Variants in MYOZ2 observed in about 807,000 individuals in gnomAD.
The protein encoded by MYOZ2 is myozenin-2.
Under a neutral mutation model 25.4 loss-of-function variants are expected in MYOZ2, and 19 were observed. The ratio of observed to expected loss-of-function variants is 0.75; its 90% CI spans 0.52 to 1.10. The LOEUF is 1.10. Ranked by LOEUF, MYOZ2 falls within the 50% of genes least tolerant of loss-of-function variation. The probability of loss-of-function intolerance (pLI) is 0.00; values close to 1 mark genes in which losing one functional copy is unlikely to be tolerated. For missense variants in MYOZ2, 270 were observed against 317.9 expected, an observed-to-expected ratio of 0.85 and a Z score of 1.15; for synonymous variants, 92 against 106.9, an observed-to-expected ratio of 0.86 and a Z score of 0.86.
At chr4:119,141,811 A>C (rs1741163796) in intron 2 of MYOZ2, among the ~76,000 whole-genome samples, 1 of 152,226 alleles carries the variant, frequency 6.6e-6, no homozygotes. Flanking sequence ...AACCTGTGCA[A>C]GGGTTTGCAG....
chr4:119,142,634 T>C (rs1741182162), intron 2 of MYOZ2, among the ~76,000 whole-genome samples: 1 of 152,242 alleles, frequency 6.6e-6, no homozygotes, highest in African/African-American at 2.4e-5. Flanking sequence ...TCCTGGGGAC[T>C]GTGAAGTGCA....
chr4:119,173,634 C>T lies in MYOZ2; in HGVS notation c.560+9240C>T, dbSNP rs1741990088. ...CAGCGTGCTGGCAGTCCTCACAGCC[C>T]TCGCTCGCTCTCGGCACCTCCTCTG... is the stretch of plus-strand genomic sequence containing the variant. On this transcript the variant is annotated intron_variant, in intron 5 of 5. Coordinates refer to ENST00000307128, the MANE Select transcript of MYOZ2 (RefSeq NM_016599.5). 2.6e-5 allele frequency among the ~76,000 whole-genome samples: 4 copies of T among 152,358 alleles called. No homozygotes were observed. The South Asian group carries it at 8.3e-4, about 32-fold the overall frequency.
chr4:119,170,304 C>T (rs903652041), intron 5 of MYOZ2, among the ~76,000 whole-genome samples: 1 of 148,916 alleles, frequency 6.7e-6, no homozygotes, highest in Non-Finnish European at 1.5e-5. Context: ...TTGTGGCTGG[C>T]TTATTTCACT....
chr4:119,176,191 G>C (rs1350278922), intron 5 of MYOZ2, among the ~76,000 whole-genome samples: 1 of 151,998 alleles, frequency 6.6e-6, no homozygotes, highest in Non-Finnish European at 1.5e-5. Flanking sequence ...TCAGTAATTT[G>C]TTGCATGAAT....
At chr4:119,173,967 G>A (rs1441483165) in intron 5 of MYOZ2, among the ~76,000 whole-genome samples, 1 of 152,212 alleles carries the variant, frequency 6.6e-6, no homozygotes, top group African/African-American at 2.4e-5. Flanking sequence ...TCCCCCAGCA[G>A]TGCCAGCCCA....
chr4:119,173,647 G>C (rs1017392813), intron 5 of MYOZ2, among the ~76,000 whole-genome samples: 9 of 152,190 alleles, frequency 5.9e-5, no homozygotes, highest in African/African-American at 2.2e-4. Context: ...GCTCGCTCTC[G>C]GCACCTCCTC....
At chr4:119,182,619 C>A (rs924898747) in intron 5 of MYOZ2, among the ~76,000 whole-genome samples, 1 of 152,134 alleles carries the variant, frequency 6.6e-6, no homozygotes, top group African/African-American at 2.4e-5. Context: ...TAGTTAGATT[C>A]TCGTAAGGAG....
chr4:119,169,052 C>T (rs899901555), intron 5 of MYOZ2, among the ~76,000 whole-genome samples: 2 of 152,168 alleles, frequency 1.3e-5, no homozygotes, highest in Admixed American at 6.5e-5. Context: ...GCAATCACTA[C>T]CCTGATCAGT....
At position 119,176,724 on chromosome 4, in the gene MYOZ2, C is replaced by G. The variant is rs1057462495; in HGVS notation, c.561-9242C>G. ...TTAATTTGAAAAAGAACTTTAAGAA[C>G]TTACATTATCATTCAGGTACCTTGT... On this transcript the variant is annotated intron_variant, in intron 5 of 5. Transcript: ENST00000307128. 4.6e-5 allele frequency among the ~76,000 whole-genome samples: 7 copies of G among 152,180 alleles called. No individual in the cohort carries two copies. The East Asian group carries it at 1.3e-3, about 29-fold the overall frequency.
At chr4:119,177,369 A>T (rs1742095507) in intron 5 of MYOZ2, among the ~76,000 whole-genome samples, 1 of 152,202 alleles carries the variant, frequency 6.6e-6, no homozygotes, top group South Asian at 2.1e-4. Flanking sequence ...CCTTAAAGTG[A>T]TTACCACAAA....
At position 119,186,446 on chromosome 4, in the gene MYOZ2, C is replaced by G. The variant is rs887629704; in HGVS notation, c.*246C>G. The G allele has an allele frequency of 2.1e-6, 1 of 470,814 alleles. No individual in the cohort carries two copies. The highest frequency in any genetic ancestry group is 2.6e-5 in the South Asian group (1 of 37,954). The allele number at this position is 470,814 out of a possible 1,614,324, so 29.2% of individuals were successfully genotyped here. On this transcript the variant is annotated 3_prime_UTR_variant, in exon 6 of 6. Transcript: ENST00000307128. ...TTTGTTTTCACCTGGTTTAAAGAAT[C>G]CAGATATTTTACTGCAAAAGTTCAG...
intron 2 of MYOZ2, among the ~76,000 whole-genome samples, chr4:119,139,571 A>C (rs1490688970): frequency 6.6e-6 from 1 of 152,170 alleles, no homozygotes; most frequent in Non-Finnish European, 1.5e-5. Flanking sequence ...AGAGGTAGGA[A>C]AGGATAAAAG....
intron 4 of MYOZ2, among the ~76,000 whole-genome samples, chr4:119,158,884 G>A (rs1195052081): frequency 6.6e-6 from 1 of 152,124 alleles, no homozygotes; most frequent in Non-Finnish European, 1.5e-5. Context: ...ATAAGACCTA[G>A]TATTTGACAG....
intron 5 of MYOZ2, among the ~76,000 whole-genome samples, chr4:119,182,664 A>G (rs1742207920): frequency 6.6e-6 from 1 of 152,274 alleles, no homozygotes; most frequent in African/African-American, 2.4e-5. Context: ...CAAAGTTCAC[A>G]AGAGGGTTTG....
At chr4:119,155,769 G>A (rs546825875) in intron 3 of MYOZ2, among the ~76,000 whole-genome samples, 78 of 152,230 alleles carry the variant, frequency 5.1e-4, no homozygotes, top group African/African-American at 1.6e-3. Flanking sequence ...ATTTGTATTC[G>A]GTCTGACTGG....
intron 5 of MYOZ2, among the ~76,000 whole-genome samples, chr4:119,164,678 T>C (rs1741783460): frequency 6.6e-6 from 1 of 152,198 alleles, no homozygotes; most frequent in Non-Finnish European, 1.5e-5. Context: ...AATGTTATTT[T>C]AATAATAGTT....
intron 4 of MYOZ2, among the ~76,000 whole-genome samples, chr4:119,159,688 G>C (rs2149223905): frequency 6.6e-6 from 1 of 152,100 alleles, no homozygotes; most frequent in African/African-American, 2.4e-5. Context: ...AGTACTCCTA[G>C]CATTCTTCTC....
chr4:119,175,532 G>A (rs1015660870), intron 5 of MYOZ2, among the ~76,000 whole-genome samples: 1 of 151,992 alleles, frequency 6.6e-6, no homozygotes, highest in Non-Finnish European at 1.5e-5. Flanking sequence ...AGGCTGGGGC[G>A]GGTGGGGTTA....
At chr4:119,167,913 T>G (rs1439642812) in intron 5 of MYOZ2, among the ~76,000 whole-genome samples, 4 of 152,270 alleles carry the variant, frequency 2.6e-5, no homozygotes, top group Non-Finnish European at 5.9e-5. Flanking sequence ...TATTACTCTT[T>G]ATTGACAACG....
Sources: gnomAD v4.1 joint callset for allele counts (sites outside exome capture counted in the v4.1 genomes callset) on GRCh38, gnomAD v4.1.1 for gene constraint, MANE v1.5 for transcripts, NCBI Gene and HGNC (gene_info 2026-07-23, HGNC 2026-07-21) for gene names.